NTNG1: variants seen among roughly 807,000 people sequenced by gnomAD.
NTNG1 encodes netrin G1.
In NTNG1, 16 loss-of-function variants were observed where a neutral mutation model predicts 54.0. The ratio of observed to expected loss-of-function variants is 0.30; its 90% CI spans 0.20 to 0.45. The LOEUF is 0.45. Ranked by LOEUF, NTNG1 falls within the 20% of genes least tolerant of loss-of-function variation. The pLI is 1.00. For synonymous variants in NTNG1, 255 were observed against 263.1 expected (o/e 0.97, Z 0.30); for missense variants, 530 against 678.7 (o/e 0.78, Z 2.43).
At chr1:107,363,648 G>A (rs1670416759) in intron 3 of NTNG1, among the ~76,000 whole-genome samples, 1 of 151,926 alleles carries the variant, frequency 6.6e-6, no homozygotes, top group Non-Finnish European at 1.5e-5. Context: ...TTTGTGGAAT[G>A]TGGATCCTCT....
intron 2 of NTNG1, among the ~76,000 whole-genome samples, chr1:107,207,767 T>C (rs1323975680): frequency 1.3e-5 from 2 of 152,220 alleles, no homozygotes; most frequent in Non-Finnish European, 2.9e-5. Context: ...AGAGATACTT[T>C]CGTAGCTCAT....
chr1:107,293,219 A>G (rs1196403393), intron 2 of NTNG1, among the ~76,000 whole-genome samples: 2 of 152,224 alleles, frequency 1.3e-5, no homozygotes, highest in Non-Finnish European at 2.9e-5. Context: ...AGAAATGGCT[A>G]CCTAAGCATT....
At chr1:107,459,770 G>A (rs772261085) in intron 7 of NTNG1, among the ~76,000 whole-genome samples, 9 of 152,228 alleles carry the variant, frequency 5.9e-5, no homozygotes, top group African/African-American at 1.4e-4. Flanking sequence ...TTGCTCAAAC[G>A]AGCTGTCCCA....
chr1:107,388,379 C>G (rs904509716), intron 3 of NTNG1, among the ~76,000 whole-genome samples: 1 of 152,188 alleles, frequency 6.6e-6, no homozygotes, highest in Non-Finnish European at 1.5e-5. Flanking sequence ...TAGCTGTACT[C>G]AGCAAGAGTG....
chr1:107,335,647 CTAAT>C (rs1668532513), intron 3 of NTNG1, among the ~76,000 whole-genome samples: 1 of 151,340 alleles, frequency 6.6e-6, no homozygotes, highest in Non-Finnish European at 1.5e-5. Flanking sequence ...TAATTTTTAT[CTAAT>C]TAGTTATGAT....
At chr1:107,439,924 G>C (rs1160721237) in intron 7 of NTNG1, among the ~76,000 whole-genome samples, 7 of 151,664 alleles carry the variant, frequency 4.6e-5, no homozygotes, top group Non-Finnish European at 2.9e-5. Context: ...ACTCAAAAAT[G>C]CCCCTTGAGT....
At chr1:107,249,144 A>G (rs1271289109) in intron 2 of NTNG1, among the ~76,000 whole-genome samples, 1 of 143,660 alleles carries the variant, frequency 7.0e-6, no homozygotes, top group Non-Finnish European at 1.5e-5. Flanking sequence ...GGGTGACAAG[A>G]GTGAGACTCT....
At chr1:107,199,740 A>G (rs954437482) in intron 2 of NTNG1, among the ~76,000 whole-genome samples, 1 of 151,932 alleles carries the variant, frequency 6.6e-6, no homozygotes, top group African/African-American at 2.4e-5. Context: ...AGATACTTCA[A>G]AATTACCATA....
At chr1:107,149,726 A>C (rs924621598) in intron 2 of NTNG1, among the ~76,000 whole-genome samples, 4 of 152,040 alleles carry the variant, frequency 2.6e-5, no homozygotes, top group African/African-American at 9.7e-5. Context: ...AATAGTATAC[A>C]TTAATGTGCT....
intron 2 of NTNG1, among the ~76,000 whole-genome samples, chr1:107,313,035 A>G (rs1304766190): frequency 1.3e-5 from 2 of 152,170 alleles, no homozygotes; most frequent in Non-Finnish European, 2.9e-5. Context: ...TGGATCCTTT[A>G]GTAGCATATA....
chr1:107,320,661 CT>C (rs59983037), intron 2 of NTNG1, among the ~76,000 whole-genome samples: 8,263 of 132,998 alleles, frequency 0.062, 733 homozygotes, highest in African/African-American at 0.2. Context: ...CACCTTTCAT[CT>C]TTTTTTTTTT....
chr1:107,463,375 A>G (rs1677399775), intron 7 of NTNG1, among the ~76,000 whole-genome samples: 1 of 152,032 alleles, frequency 6.6e-6, no homozygotes, highest in Non-Finnish European at 1.5e-5. Context: ...AACATTGTAA[A>G]CTCAATCTGT....
chr1:107,364,277 A>G (rs1395022292), intron 3 of NTNG1, among the ~76,000 whole-genome samples: 1 of 152,192 alleles, frequency 6.6e-6, no homozygotes, highest in Non-Finnish European at 1.5e-5. Flanking sequence ...CAGTAATTTT[A>G]CATAATTCTC....
intron 2 of NTNG1, among the ~76,000 whole-genome samples, chr1:107,314,171 G>A (rs1667190908): frequency 1.3e-5 from 2 of 152,042 alleles, no homozygotes; most frequent in Non-Finnish European, 1.5e-5. Context: ...TTGGGAGGCC[G>A]AGGCAGGCTG....
intron 3 of NTNG1, among the ~76,000 whole-genome samples, chr1:107,377,289 G>T (rs900968260): frequency 6.6e-6 from 1 of 152,150 alleles, no homozygotes; most frequent in Non-Finnish European, 1.5e-5. Flanking sequence ...CAGGAACGGA[G>T]GATTATCTCA....
intron 1 of NTNG1, among the ~76,000 whole-genome samples, chr1:107,144,382 A>C (rs565888113): frequency 1.3e-5 from 2 of 152,068 alleles, no homozygotes; most frequent in Non-Finnish European, 2.9e-5. Flanking sequence ...AAAGCTGAAT[A>C]TTTATGAAAA....
intron 3 of NTNG1, among the ~76,000 whole-genome samples, chr1:107,346,884 TA>T (rs537482440): frequency 0.54 from 52,004 of 97,004 alleles, 13,144 homozygotes; most frequent in East Asian, 0.63. Flanking sequence ...TTTTCTATCC[TA>T]AAAAAAAAAA....
chr1:107,419,153 C>T (rs78605814), intron 5 of NTNG1, among the ~76,000 whole-genome samples: 2,517 of 151,554 alleles, frequency 0.017, 71 homozygotes, highest in African/African-American at 0.057. Flanking sequence ...CTCCTTTTTC[C>T]TGTCTTCCTC....
chr1:107,330,314 A>G (rs7555412), intron 3 of NTNG1, among the ~76,000 whole-genome samples: 89,268 of 152,012 alleles, frequency 0.59, 28,358 homozygotes, highest in Non-Finnish European at 0.71. Flanking sequence ...ATTGACTACA[A>G]GTGAGGAACA....
Sources: gnomAD v4.1 joint callset for allele counts (sites outside exome capture counted in the v4.1 genomes callset) on GRCh38, gnomAD v4.1.1 for gene constraint, MANE v1.5 for transcripts, NCBI Gene and HGNC (gene_info 2026-07-23, HGNC 2026-07-21) for gene names.